Variants in NELL1 observed in about 807,000 individuals in gnomAD.
NELL1 encodes the protein protein kinase C-binding protein NELL1.
Under a neutral mutation model 107.4 loss-of-function variants are expected in NELL1, and 76 were observed. That is an observed-to-expected ratio of 0.71 (90% confidence interval 0.59 to 0.86). The LOEUF (loss-of-function observed/expected upper bound fraction) is 0.86, where lower values mean the gene tolerates loss of function less well. NELL1 is among the 40% of genes least tolerant of loss of function. The probability of loss-of-function intolerance (pLI) is 0.00; values close to 1 mark genes in which losing one functional copy is unlikely to be tolerated. For synonymous variants in NELL1, 353 were observed against 341.2 expected, an observed-to-expected ratio of 1.03 and a Z score of -0.38; for missense variants, 1,024 against 1,005.5, an observed-to-expected ratio of 1.02 and a Z score of -0.25.
chr11:21,385,970 T>C (rs1198660629), intron 15 of NELL1, among the ~76,000 whole-genome samples: 1 of 151,894 alleles, frequency 6.6e-6, no homozygotes, highest in Admixed American at 6.6e-5. Flanking sequence ...CTCACATAGA[T>C]TGTAAGCTTT....
At chr11:21,141,254 C>T (rs1855860535) in intron 13 of NELL1, among the ~76,000 whole-genome samples, 1 of 152,158 alleles carries the variant, frequency 6.6e-6, no homozygotes, top group Non-Finnish European at 1.5e-5. Flanking sequence ...GAAAGAATCT[C>T]ACTGGAAAAC....
At position 21,011,897 on chromosome 11, in the gene NELL1, A is replaced by T. The variant is rs78674394; in HGVS notation, c.1300+51337A>T. Among the ~76,000 whole-genome samples the T allele has an allele frequency of 7.6e-4, 116 of 152,222 alleles. No homozygotes were observed. The Middle Eastern group carries it at 0.01, about 13-fold the overall frequency. ...GCATTCCACAAATAGGCATAAAACC[A>T]GTGTTTATTTTCATGTTCAACTTCT... On this transcript the variant is annotated intron_variant, in intron 12 of 19. Coordinates refer to ENST00000357134, the MANE Select transcript of NELL1 (RefSeq NM_006157.5).
chr11:21,110,105 G>A (rs1855071302), intron 12 of NELL1, among the ~76,000 whole-genome samples: 1 of 152,046 alleles, frequency 6.6e-6, no homozygotes, highest in South Asian at 2.1e-4. Flanking sequence ...TATATCTGGT[G>A]GTTACATGAT....
chr11:21,465,446 G>C (rs974707364), intron 15 of NELL1, among the ~76,000 whole-genome samples: 1 of 152,020 alleles, frequency 6.6e-6, no homozygotes, highest in African/African-American at 2.4e-5. Flanking sequence ...CCCTAATTTG[G>C]TGTGAAGTTC....
At chr11:20,755,538 T>A (rs1219061674) in intron 2 of NELL1, among the ~76,000 whole-genome samples, 1 of 40,442 alleles carries the variant, frequency 2.5e-5, no homozygotes, top group Admixed American at 3.0e-4. Context: ...GTGTGGGTTT[T>A]TGTTTTTTTT....
At chr11:20,838,428 T>C (rs1015786031) in intron 3 of NELL1, among the ~76,000 whole-genome samples, 1 of 151,314 alleles carries the variant, frequency 6.6e-6, no homozygotes, top group African/African-American at 2.4e-5. Flanking sequence ...AATAATCTAT[T>C]AATATTGGTT....
intron 14 of NELL1, among the ~76,000 whole-genome samples, chr11:21,302,239 C>T (rs746549952): frequency 6.6e-6 from 1 of 152,026 alleles, no homozygotes; most frequent in Non-Finnish European, 1.5e-5. Context: ...AGAAGCCCAT[C>T]ACAGCCTGAG....
chr11:21,096,865 C>T (rs907558128), intron 12 of NELL1, among the ~76,000 whole-genome samples: 1 of 152,068 alleles, frequency 6.6e-6, no homozygotes, highest in Non-Finnish European at 1.5e-5. Flanking sequence ...TACACGCCAC[C>T]ACACCTGGCT....
At chr11:21,162,572 A>G (rs981338240) in intron 13 of NELL1, among the ~76,000 whole-genome samples, 1 of 152,182 alleles carries the variant, frequency 6.6e-6, no homozygotes, top group African/African-American at 2.4e-5. Flanking sequence ...AATAGTTCCT[A>G]TGTCATAGAA....
At chr11:21,092,584 A>C (rs1854546955) in intron 12 of NELL1, among the ~76,000 whole-genome samples, 1 of 152,182 alleles carries the variant, frequency 6.6e-6, no homozygotes, top group South Asian at 2.1e-4. Context: ...AGAAAAATTG[A>C]GGCCCATCTG....
chr11:20,674,412 G>A (rs766253719), intron 1 of NELL1: 43 of 1,131,360 alleles, frequency 3.8e-5, no homozygotes, highest in Non-Finnish European at 4.9e-5. Context: ...TAGTTTCCCC[G>A]AGTCCTCATG....
At chr11:21,233,422 C>G (rs778377548) in intron 14 of NELL1, among the ~76,000 whole-genome samples, 3 of 152,092 alleles carry the variant, frequency 2.0e-5, no homozygotes, top group Non-Finnish European at 4.4e-5. Context: ...CCTTTTCCTT[C>G]TCTTTTTATT....
chr11:21,300,206 G>T (rs909179706), intron 14 of NELL1, among the ~76,000 whole-genome samples: 25 of 152,016 alleles, frequency 1.6e-4, no homozygotes, highest in Non-Finnish European at 2.9e-5. Context: ...GGTGTTCTCT[G>T]AATGATGCCA....
At chr11:21,518,870 G>T (rs1264389295) in intron 15 of NELL1, among the ~76,000 whole-genome samples, 2 of 152,132 alleles carry the variant, frequency 1.3e-5, no homozygotes, top group Non-Finnish European at 2.9e-5. Context: ...TATTCCATTG[G>T]TTGAATTTAT....
chr11:21,078,914 A>G (rs1420402905), intron 12 of NELL1, among the ~76,000 whole-genome samples: 1 of 152,058 alleles, frequency 6.6e-6, no homozygotes, highest in Non-Finnish European at 1.5e-5. Context: ...AATGTCAAAT[A>G]TAAAATAATA....
intron 5 of NELL1, among the ~76,000 whole-genome samples, chr11:20,908,412 G>A (rs1248398824): frequency 6.6e-6 from 1 of 152,150 alleles, no homozygotes; most frequent in African/African-American, 2.4e-5. Context: ...GCAGGGACAT[G>A]GATGAAGCTG....
At chr11:20,914,169 A>C (rs1850195130) in intron 5 of NELL1, among the ~76,000 whole-genome samples, 1 of 152,090 alleles carries the variant, frequency 6.6e-6, no homozygotes, top group African/African-American at 2.4e-5. Flanking sequence ...AACAAGTCTC[A>C]ATCAATTTAG....
At chr11:21,335,566 A>G (rs2187522) in intron 14 of NELL1, among the ~76,000 whole-genome samples, 77,813 of 151,848 alleles carry the variant, frequency 0.51, 20,307 homozygotes, top group Admixed American at 0.63. Context: ...TGCCAATGGA[A>G]ATTAAAACAT....
chr11:20,715,537 A>T (rs1398382987), intron 2 of NELL1, among the ~76,000 whole-genome samples: 1 of 152,160 alleles, frequency 6.6e-6, no homozygotes, highest in Non-Finnish European at 1.5e-5. Context: ...ACTCCACCTT[A>T]TGCATGTTTC....
Sources: gnomAD v4.1 joint callset for allele counts (sites outside exome capture counted in the v4.1 genomes callset) on GRCh38, gnomAD v4.1.1 for gene constraint, MANE v1.5 for transcripts, NCBI Gene and HGNC (gene_info 2026-07-23, HGNC 2026-07-21) for gene names.